USP24: variants seen among roughly 807,000 people sequenced by gnomAD.
The protein encoded by USP24 is ubiquitin specific peptidase 24.
In USP24, 97 loss-of-function variants were observed where a neutral mutation model predicts 361.6. The ratio of observed to expected loss-of-function variants is 0.27; its 90% CI spans 0.23 to 0.32. The LOEUF is 0.32. USP24 is among the 10% of genes least tolerant of loss of function. The pLI is 1.00. For synonymous variants in USP24, 1,098 were observed against 1,124.6 expected, an observed-to-expected ratio of 0.98 and a Z score of 0.47; for missense variants, 2,353 against 3,165.6, an observed-to-expected ratio of 0.74 and a Z score of 6.16.
chr1:55,077,790 T>C (rs896980042), intron 61 of USP24, among the ~76,000 whole-genome samples: 2 of 152,204 alleles, frequency 1.3e-5, no homozygotes, highest in Admixed American at 6.5e-5. Context: ...AAAATTTATA[T>C]GTATAAAAGT....
At chr1:55,074,824 CTTT>C (rs1378719357) in intron 63 of USP24, among the ~76,000 whole-genome samples, 1 of 152,018 alleles carries the variant, frequency 6.6e-6, no homozygotes, top group Non-Finnish European at 1.5e-5. Context: ...TAGCTTAAAT[CTTT>C]TTTCTACAAC....
At position 55,123,395 on chromosome 1, in the gene USP24, A is replaced by C. The variant is rs1570465995; in HGVS notation, c.4276+52T>G. The C allele has an allele frequency of 3.4e-6, 5 of 1,456,058 alleles. No individual in the cohort carries two copies. In the East Asian group the frequency reaches 1.3e-4, roughly 37 times the overall value. The allele number at this position is 1,456,058 out of a possible 1,614,324, so 90.2% of individuals were successfully genotyped here. On this transcript the variant is annotated intron_variant, in intron 36 of 67. Transcript: ENST00000294383. Reference sequence around the variant, plus strand: ...AAGAAATGTAAAGAATTCCCAACAGAAACTTGGCCTTTCCCTGAAAGAGAT... The same window carrying C: ...AAGAAATGTAAAGAATTCCCAACAGCAACTTGGCCTTTCCCTGAAAGAGAT...
intron 1 of USP24, among the ~76,000 whole-genome samples, chr1:55,198,470 G>A (rs777478175): frequency 2.8e-5 from 4 of 144,328 alleles, no homozygotes; most frequent in African/African-American, 8.4e-5. Context: ...ACCATGAGCT[G>A]TGTGATTTTA....
intron 10 of USP24, 54 bp from the exon 11 acceptor site, chr1:55,157,424 T>C (rs1032624688): frequency 3.4e-5 from 33 of 964,592 alleles, no homozygotes; most frequent in Middle Eastern, 6.4e-4. Flanking sequence ...CAAATATTTA[T>C]ATAGATAGAT....
At chr1:55,130,171 T>C (rs1383989151) in intron 31 of USP24, among the ~76,000 whole-genome samples, 1 of 152,230 alleles carries the variant, frequency 6.6e-6, no homozygotes, top group East Asian at 1.9e-4. Flanking sequence ...AAAGTGGAGT[T>C]CAACTGAATA....
chr1:55,103,919 G>T lies in USP24; in HGVS notation c.4982C>A (p.Ser1661Tyr). 6.2e-7 allele frequency: 1 copy of T among 1,612,926 alleles called. No homozygotes were observed. ...AGCAGGGTCAGGCTGGTGATGCATA[G>T]AAAGCAGTTCTTTTATAATAATTTG... ...NLQIIIKELL[S>Y]MHHQPDPALT... is the part of the protein sequence containing the mutation. The change falls in exon 42 of 68, where the codon TCT becomes TAT. Residue 1661 changes from serine to tyrosine, a missense_variant. Around this residue, in one of 8 missense-constraint regions of USP24, gnomAD observed 949 missense variants for 1,280.5 expected, o/e 0.74. Coordinates refer to ENST00000294383, the MANE Select transcript of USP24 (RefSeq NM_015306.3).
chr1:55,177,021 G>T (rs190220290), intron 2 of USP24, among the ~76,000 whole-genome samples: 41 of 151,194 alleles, frequency 2.7e-4, no homozygotes, highest in Non-Finnish European at 2.2e-4. Flanking sequence ...AGCCTGGGAG[G>T]TTGAGGCTGC....
rs1395180632 is a variant in USP24, at chr1:55,124,386, G to A, written c.4120+83C>T. On this transcript the variant is annotated intron_variant, in intron 35 of 67. Transcript: ENST00000294383. The stretch of plus-strand genomic sequence containing the variant: ...CAAGAGAAGAGGGTCTCCCATTTTT[G>A]TGACTCTGGCAAACCTACACACAGA... The A allele has an allele frequency of 5.4e-6, 8 of 1,478,596 alleles. No individual in the cohort carries two copies. The African/African-American group carries it at 5.7e-5, about 10-fold the overall frequency. 91.6% of individuals were successfully genotyped at this position (1,478,596 alleles called of 1,614,324 possible). A position where few individuals can be genotyped will look rare whatever the true frequency, so the allele number is the denominator to read the frequency against.
chr1:55,137,458 C>A (rs916366622), intron 28 of USP24, 57 bp downstream of exon 28: 2 of 1,559,940 alleles, frequency 1.3e-6, no homozygotes, highest in Non-Finnish European at 1.7e-6. Flanking sequence ...AGAGTCAGAA[C>A]AAAAAGACAG....
At chr1:55,122,600 A>G (rs889267168) in intron 36 of USP24, among the ~76,000 whole-genome samples, 1 of 152,192 alleles carries the variant, frequency 6.6e-6, no homozygotes. Context: ...TAGTCCAAGT[A>G]GGAAGCAATG....
At chr1:55,079,090 C>T (rs1366102349) in intron 60 of USP24, among the ~76,000 whole-genome samples, 2 of 151,700 alleles carry the variant, frequency 1.3e-5, no homozygotes, top group East Asian at 1.9e-4. Context: ...CAGCTGGGGG[C>T]GGCTCTGCTG....
chr1:55,134,079 TA>T lies in USP24; in HGVS notation c.3371del (p.Leu1124Ter). 1 of 1,613,556 alleles carries T rather than the reference TA, an allele frequency of 6.2e-7. No homozygotes were observed. Among genetic ancestry groups the T allele is most frequent in the Non-Finnish European group, 8.5e-7 (1 of 1,179,688 alleles). On this transcript the variant is annotated frameshift_variant, in exon 30 of 68. Coordinates refer to ENST00000294383, the MANE Select transcript of USP24 (RefSeq NM_015306.3). LOFTEE classifies it high-confidence loss of function. Reference sequence around the variant, plus strand: ...TAAAAAATACTCATACCTTTCTTCCTAAAGAATCAAGTTGATCAAGGGCTTC... The same window carrying T: ...TAAAAAATACTCATACCTTTCTTCCTAAGAATCAAGTTGATCAAGGGCTTC... ...IQEALDQLDS[L>X]GRKKTLLSES...
chr1:55,101,845 T>C, intron 42 of USP24, 142 bp from the exon 43 acceptor site: 3 of 1,106,702 alleles, frequency 2.7e-6, no homozygotes, highest in Non-Finnish European at 2.4e-6. Context: ...GCAAAACCTA[T>C]GTTCATGAAG....
intron 38 of USP24, among the ~76,000 whole-genome samples, chr1:55,117,857 T>G (rs1432298370): frequency 7.3e-5 from 11 of 150,202 alleles, no homozygotes; most frequent in Non-Finnish European, 3.0e-5. Flanking sequence ...CTAACAATGA[T>G]CAAACTGAAA....
chr1:55,167,245 A>G (rs1171729002), intron 5 of USP24, among the ~76,000 whole-genome samples: 2 of 152,150 alleles, frequency 1.3e-5, no homozygotes, highest in Non-Finnish European at 2.9e-5. Context: ...ACCTTCCTCT[A>G]CTTGGGGTGG....
intron 18 of USP24, 122 bp downstream of exon 18, chr1:55,147,527 T>A (rs1647061865): frequency 9.1e-7 from 1 of 1,104,636 alleles, no homozygotes; most frequent in Admixed American, 3.7e-5. Context: ...GTTCCCTCAC[T>A]ACAAAGATAC....
chr1:55,139,488 G>A (rs564580457), intron 24 of USP24, among the ~76,000 whole-genome samples: 1 of 152,272 alleles, frequency 6.6e-6, no homozygotes, highest in African/African-American at 2.4e-5. Context: ...ATCTAAAAAT[G>A]AGATCTGAGG....
rs1407089426 is a variant in USP24, at chr1:55,101,599, T to C, written c.5130A>G (p.Gln1710=). The C allele has an allele frequency of 1.2e-6, 2 of 1,611,834 alleles. No homozygotes were observed. Among genetic ancestry groups the C allele is most frequent in the Non-Finnish European group, 8.5e-7 (1 of 1,178,956 alleles). The change falls in exon 43 of 68, where the codon CAA becomes CAG. Residue 1710 remains glutamine, a synonymous_variant. Coordinates refer to ENST00000294383, the MANE Select transcript of USP24 (RefSeq NM_015306.3). ...AAGAAATCACCTCAGGGAGCCCAGG[T>C]TGCATATACAGCTGCTGGAAGACTG... ...MNAVFQQLYM[Q]PGLPESLLSV... is the part of the protein sequence containing the mutation.
At chr1:55,070,762 G>A (rs771932475) in intron 67 of USP24, among the ~76,000 whole-genome samples, 2 of 152,180 alleles carry the variant, frequency 1.3e-5, no homozygotes, top group African/African-American at 2.4e-5. Flanking sequence ...CTGAGACGTC[G>A]CTGGGAAGGG....
Sources: gnomAD v4.1 joint callset for allele counts (sites outside exome capture counted in the v4.1 genomes callset) on GRCh38, gnomAD v4.1.1 for gene constraint, gnomAD v4.1.1 regional missense constraint, MANE v1.5 for transcripts, NCBI Gene and HGNC (gene_info 2026-07-23, HGNC 2026-07-21) for gene names.